ATP8A2: variants seen among roughly 807,000 people sequenced by gnomAD.
ATP8A2 encodes the protein ATPase phospholipid transporting 8A2, also known as phospholipid-transporting ATPase IB.
A neutral mutation model predicts 165.6 loss-of-function variants in ATP8A2; 100 were observed. That is an observed-to-expected ratio of 0.60 (90% confidence interval 0.51 to 0.71). The LOEUF is 0.71. Among genes scored for constraint, ATP8A2 ranks in the 30% least tolerant of loss-of-function variants. The pLI is 0.00. For synonymous variants in ATP8A2, 543 were observed against 548.8 expected (o/e 0.99, Z 0.15); for missense variants, 1,227 against 1,479.5 (o/e 0.83, Z 2.80).
At chr13:25,890,997 G>A (rs1402511095) in intron 33 of ATP8A2, among the ~76,000 whole-genome samples, 2 of 152,170 alleles carry the variant, frequency 1.3e-5, no homozygotes, top group Non-Finnish European at 2.9e-5. Context: ...GTTGTGCAGT[G>A]GACCACGAGT....
At chr13:25,390,510 C>T (rs1381365924) in intron 1 of ATP8A2, among the ~76,000 whole-genome samples, 1 of 152,184 alleles carries the variant, frequency 6.6e-6, no homozygotes, top group Non-Finnish European at 1.5e-5. Context: ...TCCCCTCTCC[C>T]AGCCCCTATT....
intron 24 of ATP8A2, among the ~76,000 whole-genome samples, chr13:25,645,019 A>T (rs1225555106): frequency 5.3e-5 from 8 of 151,854 alleles, no homozygotes; most frequent in Admixed American, 5.3e-4. Flanking sequence ...AGTTTTGTTG[A>T]TCTTTTGTAC....
intron 1 of ATP8A2, among the ~76,000 whole-genome samples, chr13:25,413,278 G>GTTTTTTTT (rs1195456593): frequency 2.7e-4 from 28 of 105,254 alleles, no homozygotes; most frequent in Non-Finnish European, 3.9e-4. Context: ...CTTTTTCTTT[G>GTTTTTTTT]TTTTTTTTTT....
chr13:25,388,696 A>G (rs1027179029), intron 1 of ATP8A2, among the ~76,000 whole-genome samples: 1 of 152,024 alleles, frequency 6.6e-6, no homozygotes, highest in African/African-American at 2.4e-5. Flanking sequence ...TGTGGATTTC[A>G]TTTCTGCCTT....
chr13:25,407,267 G>C lies in ATP8A2; in HGVS notation c.76+34979G>C, dbSNP rs907139981. On this transcript the variant is annotated intron_variant, in intron 1 of 36. Transcript: ENST00000381655. ...GAGGCAAGACAGACTCATTCTTAAA[G>C]CTTCATCATTTGGCTTCTTTCCCAG... Among the ~76,000 whole-genome samples the C allele has an allele frequency of 3.9e-5, 6 of 152,308 alleles. No individual in the cohort carries two copies. In the East Asian group the frequency reaches 1.2e-3, roughly 29 times the overall value.
chr13:25,467,846 C>G (rs1165903938), intron 1 of ATP8A2, among the ~76,000 whole-genome samples: 1 of 152,148 alleles, frequency 6.6e-6, no homozygotes, highest in African/African-American at 2.4e-5. Context: ...CCACCATGCC[C>G]GGCCAAGATG....
rs146606552 is a variant in ATP8A2 at position 25,660,202 on chromosome 13, G to C, written c.2212-38971G>C. 3.1e-3 allele frequency among the ~76,000 whole-genome samples: 466 copies of C among 152,278 alleles called. 4 individuals are homozygous for C. The highest frequency in any genetic ancestry group is 0.011 in the African/African-American group (450 of 41,546). ...CCTTTCACCAATTTTATATTTGAAT[G>C]CCTCCTCATGTGTGAGTTTTCTTCC... On this transcript the variant is annotated intron_variant, in intron 24 of 36. Transcript: ENST00000381655.
chr13:25,624,205 A>G (rs2041046898), intron 24 of ATP8A2, among the ~76,000 whole-genome samples: 1 of 152,164 alleles, frequency 6.6e-6, no homozygotes, highest in Admixed American at 6.6e-5. Flanking sequence ...CAGGACAAGG[A>G]CTGTGGGCAT....
Position 25,389,715 on chromosome 13 carries a change from A to G in ATP8A2, c.76+17427A>G, listed in dbSNP as rs147894749. 1.4e-3 allele frequency among the ~76,000 whole-genome samples: 212 copies of G among 152,314 alleles called. 1 individual carries two copies. Among genetic ancestry groups the G allele is most frequent in the African/African-American group, 4.8e-3 (198 of 41,568 alleles). On this transcript the variant is annotated intron_variant, in intron 1 of 36. Coordinates refer to ENST00000381655, the MANE Select transcript of ATP8A2 (RefSeq NM_016529.6). ...TTTGTGTCTAATGTGTCAGTCAGTG[A>G]CCTGGATTCATAGTTGTGGATGAAG...
rs1555297793 is a variant in ATP8A2, at chr13:25,963,406, A to AAAG, written c.3272+1745_3272+1746insGAA. ...GAGACTCCGTCTCAAAAAAAAAAAA[A>AAAG]AAAAGAAAAGAAAAGAAAAAGAAAA... On this transcript the variant is annotated intron_variant, in intron 34 of 36. Transcript: ENST00000381655. Among the ~76,000 whole-genome samples, 1,099 of 135,842 alleles carry AAAG rather than the reference A, an allele frequency of 8.1e-3. 10 individuals carry two copies. Among genetic ancestry groups the AAAG allele is most frequent in the Non-Finnish European group, 0.012 (764 of 64,024 alleles). 89.1% of individuals were successfully genotyped at this position (135,842 alleles called of 152,430 possible). A position where few individuals can be genotyped will look rare whatever the true frequency, so the allele number is the denominator to read the frequency against.
chr13:25,924,975 G>A (rs576090000), intron 33 of ATP8A2, among the ~76,000 whole-genome samples: 119 of 152,286 alleles, frequency 7.8e-4, no homozygotes, highest in African/African-American at 2.7e-3. Context: ...CTGTGAGTCC[G>A]TTAAACCTCT....
At chr13:25,544,759 A>G (rs944812424) in intron 10 of ATP8A2, among the ~76,000 whole-genome samples, 2 of 152,084 alleles carry the variant, frequency 1.3e-5, no homozygotes, top group Non-Finnish European at 2.9e-5. Flanking sequence ...GATTTTGAAG[A>G]TGCGATAATG....
intron 6 of ATP8A2, among the ~76,000 whole-genome samples, chr13:25,537,364 C>T (rs549810643): frequency 1.3e-5 from 2 of 152,312 alleles, no homozygotes; most frequent in South Asian, 4.1e-4. Flanking sequence ...CTGGTTCTAA[C>T]ACTCAGTGGC....
intron 25 of ATP8A2, among the ~76,000 whole-genome samples, chr13:25,720,161 C>G (rs1471632732): frequency 8.0e-6 from 1 of 124,440 alleles, no homozygotes; most frequent in Non-Finnish European, 1.6e-5. Flanking sequence ...TAAATGTATA[C>G]TTTTTCTTTT....
intron 25 of ATP8A2, among the ~76,000 whole-genome samples, chr13:25,708,350 T>C (rs1446273315): frequency 6.6e-6 from 1 of 152,248 alleles, no homozygotes; most frequent in African/African-American, 2.4e-5. Context: ...AGAATGTGTT[T>C]CATTAATACA....
chr13:25,961,193 A>G (rs1347461674), intron 33 of ATP8A2, among the ~76,000 whole-genome samples: 1 of 152,166 alleles, frequency 6.6e-6, no homozygotes, highest in Non-Finnish European at 1.5e-5. Flanking sequence ...GCATTGAGAG[A>G]AAAGGAGCTG....
intron 33 of ATP8A2, among the ~76,000 whole-genome samples, chr13:25,921,005 G>A (rs1271505378): frequency 6.6e-6 from 1 of 152,148 alleles, no homozygotes; most frequent in East Asian, 1.9e-4. Context: ...GGGAGGTCGA[G>A]GCTGCAGTGA....
In ATP8A2 at chr13:25,906,445, G is replaced by A. The variant is rs114522104; in HGVS notation, c.3183+44037G>A. 9.4e-3 allele frequency among the ~76,000 whole-genome samples: 1,426 copies of A among 152,070 alleles called. 19 individuals carry two copies. The highest frequency in any genetic ancestry group is 0.032 in the African/African-American group (1,318 of 41,454). ...AGGTAACTCTACCCAGTCTTCAAGGGTTTCCACAGCATGCCCCACCTTAGC... is the reference window on the plus strand; with the variant it reads ...AGGTAACTCTACCCAGTCTTCAAGGATTTCCACAGCATGCCCCACCTTAGC... On this transcript the variant is annotated intron_variant, in intron 33 of 36. Transcript: ENST00000381655.
At chr13:25,971,402 T>C (rs968260379) in intron 35 of ATP8A2, among the ~76,000 whole-genome samples, 12 of 152,090 alleles carry the variant, frequency 7.9e-5, no homozygotes, top group African/African-American at 2.7e-4. Flanking sequence ...TGTCTTCAGC[T>C]CTGTCCTCCC....
Sources: gnomAD v4.1 joint callset for allele counts (sites outside exome capture counted in the v4.1 genomes callset) on GRCh38, gnomAD v4.1.1 for gene constraint, MANE v1.5 for transcripts, NCBI Gene and HGNC (gene_info 2026-07-23, HGNC 2026-07-21) for gene names.